Variants in MALRD1 observed in about 807,000 individuals in gnomAD.
MALRD1 encodes MAM and LDL receptor class A domain containing 1, also known as MAM and LDL-receptor class A domain-containing protein 1.
In MALRD1, 247 loss-of-function variants were observed where a neutral mutation model predicts 242.1. That is an observed-to-expected ratio of 1.02 (90% confidence interval 0.92 to 1.13). The LOEUF (loss-of-function observed/expected upper bound fraction) is 1.13, where lower values mean the gene tolerates loss of function less well. Ranked by LOEUF, MALRD1 falls within the 50% of genes most tolerant of loss-of-function variation. MALRD1 has a pLI of 0.00. For synonymous variants in MALRD1, 995 were observed against 866.6 expected (o/e 1.15, Z -2.60); for missense variants, 2,989 against 2,533.1 (o/e 1.18, Z -3.86).
chr10:19,396,763 C>G (rs1279927874), intron 28 of MALRD1, among the ~76,000 whole-genome samples: 7 of 152,120 alleles, frequency 4.6e-5, no homozygotes, highest in Non-Finnish European at 8.8e-5. Flanking sequence ...ATTAATAAAT[C>G]TATAGATGTA....
intron 28 of MALRD1, among the ~76,000 whole-genome samples, chr10:19,434,247 G>A (rs1834260945): frequency 1.3e-5 from 2 of 152,130 alleles, no homozygotes; most frequent in Admixed American, 1.3e-4. Context: ...TTTATAAAAT[G>A]TATGTCTAAA....
chr10:19,125,306 CTTCCTTCCTTCCTTCCTTCTTTCTTTCT>C (rs1837226002), intron 7 of MALRD1, among the ~76,000 whole-genome samples: 2 of 64,734 alleles, frequency 3.1e-5, no homozygotes, highest in African/African-American at 1.5e-4. Flanking sequence ...TCCTTCCTTC[CTTCCTTCCTTCCTTCCTTCTTTCTTTCT>C]TTCTTTCTTT....
intron 9 of MALRD1, 72 bp from the exon 10 acceptor site, chr10:19,136,502 A>G: frequency 1.1e-6 from 1 of 879,110 alleles, no homozygotes; most frequent in Non-Finnish European, 1.5e-6. Flanking sequence ...CTTTGTCTTT[A>G]TCAACCTTCT....
intron 38 of MALRD1, among the ~76,000 whole-genome samples, chr10:19,720,255 C>T (rs769128045): frequency 6.6e-6 from 1 of 152,164 alleles, no homozygotes; most frequent in Non-Finnish European, 1.5e-5. Context: ...CTTGCCAACA[C>T]TTTCTGGGTA....
At chr10:19,244,560 G>A (rs1270721725) in intron 18 of MALRD1, among the ~76,000 whole-genome samples, 1 of 150,518 alleles carries the variant, frequency 6.6e-6, no homozygotes, top group Non-Finnish European at 1.5e-5. Flanking sequence ...GTCAGACCCT[G>A]TTTCAAAAAA....
intron 24 of MALRD1, among the ~76,000 whole-genome samples, chr10:19,345,927 G>A (rs1193883822): frequency 2.0e-5 from 3 of 152,008 alleles, no homozygotes; most frequent in Admixed American, 6.6e-5. Context: ...AAACTCGTAT[G>A]TTTTCTTTTT....
intron 21 of MALRD1, among the ~76,000 whole-genome samples, chr10:19,291,077 G>A (rs1841399558): frequency 6.6e-6 from 1 of 152,228 alleles, no homozygotes; most frequent in South Asian, 2.1e-4. Context: ...AGAGAGCAAA[G>A]TTTTAAGTTC....
chr10:19,389,406 C>T, intron 27 of MALRD1, 46 bp from the exon 28 acceptor site: 1 of 1,530,556 alleles, frequency 6.5e-7, no homozygotes, highest in Non-Finnish European at 8.9e-7. Flanking sequence ...AAAATAATCC[C>T]ATCATTGTTA....
chr10:19,130,783 C>A (rs1000301231), intron 8 of MALRD1, among the ~76,000 whole-genome samples: 1 of 152,028 alleles, frequency 6.6e-6, no homozygotes, highest in Non-Finnish European at 1.5e-5. Context: ...GAAAATGAGC[C>A]ATGCCATTCT....
Position 19,694,270 on chromosome 10 carries a change from G to A in MALRD1, c.6314+1716G>A, listed in dbSNP as rs868114671. ...GAGCTTCTGCACAGCAAAAGAAACC[G>A]CCATCAGAGTGAACAGGCAACCTAC... On this transcript the variant is annotated intron_variant, in intron 38 of 39. Coordinates refer to ENST00000454679, the MANE Select transcript of MALRD1 (RefSeq NM_001142308.3). Among the ~76,000 whole-genome samples, 338 of 152,018 alleles carry A rather than the reference G, an allele frequency of 2.2e-3. 1 individual carries two copies. The highest frequency in any genetic ancestry group is 3.4e-3 in the Non-Finnish European group (233 of 67,944).
intron 10 of MALRD1, among the ~76,000 whole-genome samples, chr10:19,137,607 GAAAAAAAAAAAA>G (rs34768480): frequency 1.2e-5 from 1 of 84,448 alleles, no homozygotes; most frequent in Non-Finnish European, 2.3e-5. Context: ...GACTCCGTCT[GAAAAAAAAAAAA>G]AAAAAAAAAA....
Position 19,136,734 on chromosome 10 carries a change from C to G in MALRD1, c.1364C>G (p.Ser455Cys), listed in dbSNP as rs1484476823. The G allele has an allele frequency of 2.4e-6, 3 of 1,231,538 alleles. No individual in the cohort carries two copies. Among genetic ancestry groups the G allele is most frequent in the Non-Finnish European group, 2.0e-6 (2 of 987,966 alleles). 76.3% of individuals were successfully genotyped at this position (1,231,538 alleles called of 1,614,324 possible). A position where few individuals can be genotyped will look rare whatever the true frequency, so the allele number is the denominator to read the frequency against. Reference protein sequence around the residue: ...QCIAKESVCDSRQDCSDESDE... With the variant: ...QCIAKESVCDCRQDCSDESDE... ...ATCGCCAAAGAATCTGTCTGTGACT[C>G]TCGGCAGGACTGCTCCGATGAGAGT... Residue 455 changes from serine to cysteine, a missense_variant, in exon 10 of 40, where the codon TCT becomes TGT. Ser to Cys is a moderately radical substitution (Grantham distance 112, BLOSUM62 -1). Transcript: ENST00000454679.
intron 32 of MALRD1, among the ~76,000 whole-genome samples, chr10:19,563,855 G>C (rs1455534470): frequency 3.3e-5 from 5 of 152,178 alleles, no homozygotes; most frequent in Non-Finnish European, 7.3e-5. Context: ...GTGGGGCCTG[G>C]TGGGGTCTTG....
chr10:19,420,809 T>A (rs1421216180), intron 28 of MALRD1, among the ~76,000 whole-genome samples: 1 of 152,166 alleles, frequency 6.6e-6, no homozygotes, highest in Non-Finnish European at 1.5e-5. Flanking sequence ...AGCAACGTCA[T>A]CAGAGGCTCA....
intron 29 of MALRD1, chr10:19,491,179 A>G (rs562395767): frequency 1.6e-5 from 8 of 495,970 alleles, no homozygotes; most frequent in Non-Finnish European, 3.2e-5. Flanking sequence ...CATGCTGACA[A>G]TGAGCAGGAT....
chr10:19,727,718 C>G (rs888514281), intron 38 of MALRD1, among the ~76,000 whole-genome samples: 1 of 151,796 alleles, frequency 6.6e-6, no homozygotes, highest in African/African-American at 2.4e-5. Context: ...AAAAAATCAA[C>G]TGCTTAAGAG....
chr10:19,500,369 C>T (rs895304585), intron 31 of MALRD1, among the ~76,000 whole-genome samples: 3 of 152,076 alleles, frequency 2.0e-5, no homozygotes, highest in African/African-American at 7.2e-5. Context: ...TAGTGTATAA[C>T]AAAGGTAGAT....
At chr10:19,254,457 G>C (rs1336044630) in intron 18 of MALRD1, among the ~76,000 whole-genome samples, 1 of 151,894 alleles carries the variant, frequency 6.6e-6, no homozygotes, top group African/African-American at 2.4e-5. Flanking sequence ...CATTTGTCTT[G>C]AATAAACAAA....
intron 32 of MALRD1, among the ~76,000 whole-genome samples, chr10:19,566,298 ATTTT>A (rs10548629): frequency 9.0e-6 from 1 of 111,040 alleles, no homozygotes; most frequent in African/African-American, 3.3e-5. Context: ...TGCCTGGCTA[ATTTT>A]TTTTTTTTTT....
Sources: gnomAD v4.1 joint callset for allele counts (sites outside exome capture counted in the v4.1 genomes callset) on GRCh38, gnomAD v4.1.1 for gene constraint, MANE v1.5 for transcripts, NCBI Gene and HGNC (gene_info 2026-07-23, HGNC 2026-07-21) for gene names.